The following FOCAD variants were observed in gnomAD, a reference collection of about 807,000 sequenced individuals.
FOCAD encodes KIAA1797.
FOCAD carries 198 observed loss-of-function variants against 225.6 expected under a neutral mutation model. That is an observed-to-expected ratio of 0.88 (90% CI 0.78 to 0.99). The LOEUF (loss-of-function observed/expected upper bound fraction) is 0.99. Among genes scored for constraint, FOCAD ranks in the 50% least tolerant of loss-of-function variants. The pLI is 0.00. For missense variants in FOCAD, 2,713 were observed against 2,123.6 expected, an observed-to-expected ratio of 1.28 and a Z score of -5.46; for synonymous variants, 897 against 755.0, an observed-to-expected ratio of 1.19 and a Z score of -3.08.
chr9:20,969,400 C>T (rs980149725), intron 35 of FOCAD, among the ~76,000 whole-genome samples: 3 of 151,992 alleles, frequency 2.0e-5, no homozygotes, highest in Non-Finnish European at 4.4e-5. Context: ...TACTGTAGAG[C>T]TATCTATTTC....
intron 1 of FOCAD, among the ~76,000 whole-genome samples, chr9:20,688,140 A>G (rs1003455645): frequency 3.3e-5 from 5 of 152,216 alleles, no homozygotes; most frequent in African/African-American, 9.6e-5. Flanking sequence ...TTGAGCTTTA[A>G]TCTGGAGGCT....
At chr9:20,830,560 T>A (rs145178593) in intron 15 of FOCAD, among the ~76,000 whole-genome samples, 3 of 152,302 alleles carry the variant, frequency 2.0e-5, no homozygotes, top group African/African-American at 7.2e-5. Flanking sequence ...TCGTTTACAT[T>A]TTGCTAGAAA....
intron 8 of FOCAD, among the ~76,000 whole-genome samples, chr9:20,777,965 C>T (rs1453939647): frequency 6.6e-6 from 1 of 151,388 alleles, no homozygotes; most frequent in Non-Finnish European, 1.5e-5. Flanking sequence ...TGGCGGGCGC[C>T]TGTAGTCCCA....
chr9:20,688,865 T>C (rs1216239985), intron 1 of FOCAD, among the ~76,000 whole-genome samples: 1 of 152,230 alleles, frequency 6.6e-6, no homozygotes, highest in Admixed American at 6.5e-5. Flanking sequence ...ATAATACTAG[T>C]TCATATGATT....
chr9:20,842,448 T>G (rs888548814), intron 15 of FOCAD, among the ~76,000 whole-genome samples: 1 of 151,954 alleles, frequency 6.6e-6, no homozygotes, highest in Non-Finnish European at 1.5e-5. Flanking sequence ...ATATGTATAG[T>G]TTTTTTATCC....
At chr9:20,872,539 CT>C (rs1829878143) in intron 18 of FOCAD, among the ~76,000 whole-genome samples, 1 of 148,110 alleles carries the variant, frequency 6.8e-6, no homozygotes, top group African/African-American at 2.5e-5. Context: ...TCCCCTCCCC[CT>C]CCTCCTCTTC....
chr9:20,804,037 T>C (rs1373002532), intron 11 of FOCAD, among the ~76,000 whole-genome samples: 1 of 152,102 alleles, frequency 6.6e-6, no homozygotes, highest in South Asian at 2.1e-4. Context: ...TCAGTGGGCA[T>C]TGATTGATAA....
At chr9:20,946,673 A>G (rs752493326) in intron 29 of FOCAD, 28 bp from the exon 30 acceptor site, 7 of 1,591,828 alleles carry the variant, frequency 4.4e-6, no homozygotes, top group Admixed American at 1.8e-5. Flanking sequence ...TCCTGAAGAC[A>G]TATTTTTCTG....
At chr9:20,913,072 G>A in intron 23 of FOCAD, 118 bp downstream of exon 23, 1 of 707,072 alleles carries the variant, frequency 1.4e-6, no homozygotes. Flanking sequence ...TGAGCCTGAA[G>A]GGGAAATGAC....
chr9:20,905,519 T>C (rs1406939770), intron 21 of FOCAD, among the ~76,000 whole-genome samples: 1 of 151,994 alleles, frequency 6.6e-6, no homozygotes, highest in Admixed American at 6.6e-5. Flanking sequence ...TTAAAAATAT[T>C]TTAAGCTTGT....
At chr9:20,893,026 A>T (rs985264435) in intron 21 of FOCAD, among the ~76,000 whole-genome samples, 5 of 151,974 alleles carry the variant, frequency 3.3e-5, no homozygotes, top group African/African-American at 4.8e-5. Context: ...TTAAAAAAAA[A>T]TTTTTAGTGA....
At chr9:20,905,325 C>A (rs769841913) in intron 21 of FOCAD, among the ~76,000 whole-genome samples, 3 of 151,912 alleles carry the variant, frequency 2.0e-5, no homozygotes, top group Admixed American at 1.3e-4. Flanking sequence ...TGTTTAGAGG[C>A]TAAACATTTG....
chr9:20,863,942 C>T (rs929489047), intron 16 of FOCAD, among the ~76,000 whole-genome samples: 2 of 151,868 alleles, frequency 1.3e-5, no homozygotes, highest in African/African-American at 4.8e-5. Context: ...TCTTTTGGAC[C>T]AGATTTTTTT....
chr9:20,907,345 T>C (rs1427544634), intron 22 of FOCAD, 103 bp downstream of exon 22: 3 of 870,654 alleles, frequency 3.4e-6, no homozygotes, highest in Admixed American at 3.9e-5. Flanking sequence ...AAAATAGCAC[T>C]ACCAAAAATG....
intron 2 of FOCAD, among the ~76,000 whole-genome samples, chr9:20,664,228 T>G (rs964425425): frequency 2.0e-5 from 3 of 151,258 alleles, no homozygotes; most frequent in African/African-American, 7.3e-5. Flanking sequence ...AAAAATAGTT[T>G]ATAGTATTAA....
At chr9:20,941,557 A>G (rs1362484479) in intron 28 of FOCAD, among the ~76,000 whole-genome samples, 1 of 152,246 alleles carries the variant, frequency 6.6e-6, no homozygotes, top group East Asian at 1.9e-4. Flanking sequence ...ATGCAGCAAC[A>G]CAAATATCAG....
At chr9:20,922,280 C>G (rs762400224) in intron 24 of FOCAD, among the ~76,000 whole-genome samples, 5 of 152,066 alleles carry the variant, frequency 3.3e-5, no homozygotes, top group Non-Finnish European at 7.3e-5. Context: ...CCAACCCTCC[C>G]CATTATAAAC....
rs1820836272 is a variant in FOCAD, at chr9:20,794,288, C to T, written c.1455+4680C>T. ...TTTTGTATTGTGTATAAAAATCCTA[C>T]CAAGAGAAAGAAGAAATTTGAAAGC... On this transcript the variant is annotated intron_variant, in intron 11 of 43. Transcript: ENST00000338382. 2.0e-5 allele frequency among the ~76,000 whole-genome samples: 3 copies of T among 151,864 alleles called. No individual in the cohort carries two copies. The South Asian group carries it at 6.2e-4, about 32-fold the overall frequency.
intron 22 of FOCAD, among the ~76,000 whole-genome samples, chr9:20,910,322 G>GA (rs34111508): frequency 0.29 from 44,687 of 151,720 alleles, 6,828 homozygotes; most frequent in Middle Eastern, 0.35. Context: ...TTGGAATTGT[G>GA]AATGTGACCT....
Sources: allele counts gnomAD v4.1 joint callset (sites outside exome capture counted in the v4.1 genomes callset), GRCh38; gene constraint gnomAD v4.1.1; transcripts MANE v1.5; gene names NCBI Gene and HGNC (gene_info 2026-07-23, HGNC 2026-07-21).